Variants in TAFA2 observed in about 807,000 individuals in gnomAD.
TAFA2 encodes chemokine-like protein TAFA-2.
In TAFA2, 7 loss-of-function variants were observed where a neutral mutation model predicts 18.8. The observed-to-expected ratio is 0.37, with a 90% CI of 0.21 to 0.70. The LOEUF (loss-of-function observed/expected upper bound fraction) is 0.70, where lower values mean the gene tolerates loss of function less well. Among genes scored for constraint, TAFA2 ranks in the 30% least tolerant of loss-of-function variants. The pLI is 0.53. For missense variants in TAFA2, 122 were observed against 158.1 expected, an observed-to-expected ratio of 0.77 and a Z score of 1.23; for synonymous variants, 60 against 54.2, an observed-to-expected ratio of 1.11 and a Z score of -0.47.
intron 2 of TAFA2, among the ~76,000 whole-genome samples, chr12:61,779,847 T>A (rs1295810004): frequency 6.6e-6 from 1 of 151,782 alleles, no homozygotes; most frequent in Non-Finnish European, 1.5e-5. Context: ...AATTGCTGAA[T>A]CTATGGTGTC....
chr12:62,206,175 T>C (rs981950263), intron 1 of TAFA2, among the ~76,000 whole-genome samples: 2 of 152,282 alleles, frequency 1.3e-5, no homozygotes, highest in Middle Eastern at 3.4e-3. Context: ...ATCTTGACCC[T>C]TCCCCACCAT....
chr12:61,944,380 T>A (rs1255180013), intron 1 of TAFA2, among the ~76,000 whole-genome samples: 21 of 142,994 alleles, frequency 1.5e-4, no homozygotes, highest in African/African-American at 5.6e-4. Context: ...CACCCTAACA[T>A]CACAATTAAA....
chr12:61,899,701 C>A (rs190085159), intron 1 of TAFA2, among the ~76,000 whole-genome samples: 68 of 152,210 alleles, frequency 4.5e-4, no homozygotes, highest in Non-Finnish European at 2.2e-4. Flanking sequence ...AGAGCCAAAC[C>A]ATATCACATG....
intron 2 of TAFA2, among the ~76,000 whole-genome samples, chr12:61,762,956 C>T (rs903527652): frequency 1.5e-4 from 23 of 152,002 alleles, no homozygotes; most frequent in African/African-American, 5.1e-4. Context: ...AACTGAAATG[C>T]GAGCTAGTTA....
At chr12:61,977,102 C>A (rs1879465605) in intron 1 of TAFA2, among the ~76,000 whole-genome samples, 1 of 151,924 alleles carries the variant, frequency 6.6e-6, no homozygotes, top group Non-Finnish European at 1.5e-5. Flanking sequence ...AAAATGGGGT[C>A]ATTTAAAAAC....
intron 1 of TAFA2, among the ~76,000 whole-genome samples, chr12:61,934,682 G>C (rs1310370472): frequency 2.6e-5 from 4 of 152,212 alleles, no homozygotes; most frequent in Non-Finnish European, 1.5e-5. Context: ...ACACTTGAAA[G>C]AGATGCTCTT....
At chr12:61,925,997 A>T (rs1877273775) in intron 1 of TAFA2, among the ~76,000 whole-genome samples, 2 of 152,196 alleles carry the variant, frequency 1.3e-5, no homozygotes, top group Non-Finnish European at 2.9e-5. Context: ...AAATAGACAC[A>T]ATAAAAAATG....
chr12:61,964,013 G>A (rs1878982638), intron 1 of TAFA2, among the ~76,000 whole-genome samples: 1 of 151,996 alleles, frequency 6.6e-6, no homozygotes. Context: ...GGGAAAACTG[G>A]CTAGCCATAT....
intron 1 of TAFA2, among the ~76,000 whole-genome samples, chr12:62,215,612 G>A (rs969536138): frequency 6.7e-5 from 8 of 119,184 alleles, no homozygotes; most frequent in Non-Finnish European, 1.2e-4. Context: ...TTGCTTAAGA[G>A]AAACAACTCG....
intron 2 of TAFA2, among the ~76,000 whole-genome samples, chr12:61,804,400 G>A (rs1403222985): frequency 1.3e-5 from 2 of 151,910 alleles, no homozygotes; most frequent in East Asian, 3.9e-4. Flanking sequence ...TCAAATTCAA[G>A]GAGACTTGAA....
intron 1 of TAFA2, among the ~76,000 whole-genome samples, chr12:62,118,990 T>C (rs1870081818): frequency 6.6e-6 from 1 of 152,172 alleles, no homozygotes; most frequent in Admixed American, 6.5e-5. Flanking sequence ...TTTTATGCCT[T>C]ATTTAAGAAA....
At chr12:62,118,897 C>T (rs1007110249) in intron 1 of TAFA2, among the ~76,000 whole-genome samples, 1 of 152,108 alleles carries the variant, frequency 6.6e-6, no homozygotes, top group Admixed American at 6.5e-5. Context: ...CAGTACTTCT[C>T]ACTTTAAGAC....
intron 2 of TAFA2, among the ~76,000 whole-genome samples, chr12:61,757,609 T>C (rs1278143176): frequency 3.3e-5 from 5 of 151,776 alleles, no homozygotes; most frequent in African/African-American, 1.2e-4. Flanking sequence ...GGAAAAGGTT[T>C]CACCAATAGA....
At chr12:61,887,506 C>T (rs1565669851) in intron 1 of TAFA2, among the ~76,000 whole-genome samples, 1 of 151,152 alleles carries the variant, frequency 6.6e-6, no homozygotes, top group African/African-American at 2.4e-5. Flanking sequence ...CATACGTATA[C>T]ATGTGCCATG....
intron 2 of TAFA2, among the ~76,000 whole-genome samples, chr12:61,859,607 C>G (rs974364529): frequency 2.0e-5 from 3 of 152,132 alleles, no homozygotes; most frequent in Non-Finnish European, 4.4e-5. Flanking sequence ...CCATGCCCAG[C>G]TAATCTTTGT....
At chr12:62,209,205 G>A (rs889750531) in intron 1 of TAFA2, among the ~76,000 whole-genome samples, 1 of 152,170 alleles carries the variant, frequency 6.6e-6, no homozygotes, top group Admixed American at 6.5e-5. Context: ...ATCCCCATCT[G>A]TCAAGGGATT....
At chr12:61,778,007 T>A (rs906233169) in intron 2 of TAFA2, among the ~76,000 whole-genome samples, 8 of 151,774 alleles carry the variant, frequency 5.3e-5, no homozygotes, top group Non-Finnish European at 1.0e-4. Flanking sequence ...AGCTCATTCT[T>A]TAGGGTCAAA....
At chr12:62,103,135 C>T (rs1295834882) in intron 1 of TAFA2, among the ~76,000 whole-genome samples, 1 of 152,212 alleles carries the variant, frequency 6.6e-6, no homozygotes, top group Admixed American at 6.5e-5. Flanking sequence ...ACACTGTCAT[C>T]TTACACTCAT....
upstream of TAFA2, among the ~76,000 whole-genome samples, chr12:62,197,042 C>CA (rs1171092336): frequency 9.8e-5 from 15 of 152,302 alleles, no homozygotes; most frequent in African/African-American, 3.6e-4. Context: ...TCAGCTGCGG[C>CA]ATTAGATTCT....
Sources: gnomAD v4.1 joint callset for allele counts (sites outside exome capture counted in the v4.1 genomes callset) on GRCh38, gnomAD v4.1.1 for gene constraint, MANE v1.5 for transcripts, NCBI Gene and HGNC (gene_info 2026-07-23, HGNC 2026-07-21) for gene names.